The following BMX variants were observed in gnomAD, a reference collection of about 807,000 sequenced individuals.
BMX encodes the protein BMX non-receptor tyrosine kinase, also known as cytoplasmic tyrosine-protein kinase BMX.
BMX carries 31 observed loss-of-function variants against 59.2 expected under a neutral mutation model. That is an observed-to-expected ratio of 0.52 (90% CI 0.39 to 0.71). The LOEUF is 0.71. BMX is among the 30% of genes least tolerant of loss of function. BMX has a pLI of 0.00. For synonymous variants in BMX, 185 were observed against 181.0 expected, an observed-to-expected ratio of 1.02 and a Z score of -0.18; for missense variants, 474 against 491.7, an observed-to-expected ratio of 0.96 and a Z score of 0.34.
chrX:15,502,200 A>G (rs1189608586), intron 1 of BMX, among the ~76,000 whole-genome samples: 1 of 111,719 alleles, frequency 9.0e-6, no homozygotes, highest in Non-Finnish European at 1.9e-5. Flanking sequence ...CAGATTCCAT[A>G]GAGACAGAGC....
At chrX:15,546,724 A>T in intron 16 of BMX, 79 bp from the exon 17 acceptor site, 1 of 797,486 alleles carries the variant, frequency 1.3e-6, no homozygotes, top group South Asian at 2.6e-5. Context: ...ATCGACTGAG[A>T]CTCTGGGTGG....
chrX:15,543,360 T>A (rs1389257179), intron 16 of BMX, among the ~76,000 whole-genome samples: 1 of 111,638 alleles, frequency 9.0e-6, no homozygotes, highest in East Asian at 2.8e-4. Flanking sequence ...CCATGAAAGA[T>A]CCTAAATTTA....
chrX:15,511,575 G>C, intron 4 of BMX, 57 bp downstream of exon 4: 1 of 1,017,337 alleles, frequency 9.8e-7, no homozygotes, highest in African/African-American at 1.9e-5. Flanking sequence ...ATAAAAGAGA[G>C]TCGTTTTTTG....
At position 15,516,038 on chromosome X, in the gene BMX, C is replaced by T. The variant is rs929294637; in HGVS notation, c.326-74C>T. On this transcript the variant is annotated intron_variant, in intron 4 of 18. Transcript: ENST00000348343. ...TGGGGTTTTTATTGTTCTGTGATAA[C>T]AGCACTTACTGAATGTTTCTCCTCT... The T allele has an allele frequency of 6.8e-6, 8 of 1,170,198 alleles. No homozygotes were observed. The African/African-American group carries it at 1.4e-4, about 21-fold the overall frequency.
rs1406475453 is a variant in BMX at position 15,531,434 on chromosome X, T to A, written c.1019+27T>A. Reference sequence around the variant, plus strand: ...TAAGTATGATACGGATTAATTTCTTTTCTCTTTCTGCGTATATTCTTTGAA... The same window carrying A: ...TAAGTATGATACGGATTAATTTCTTATCTCTTTCTGCGTATATTCTTTGAA... On this transcript the variant is annotated intron_variant, in intron 11 of 18. Transcript: ENST00000348343. The A allele has an allele frequency of 5.4e-6, 6 of 1,109,074 alleles. No homozygotes were observed. The African/African-American group carries it at 7.3e-5, about 13-fold the overall frequency. 91.4% of individuals were successfully genotyped at this position (1,109,074 alleles called of 1,213,427 possible). A position where few individuals can be genotyped will look rare whatever the true frequency, so the allele number is the denominator to read the frequency against.
intron 17 of BMX, among the ~76,000 whole-genome samples, chrX:15,549,185 G>A (rs1014277923): frequency 9.0e-6 from 1 of 110,609 alleles, no homozygotes; most frequent in African/African-American, 3.3e-5. Context: ...CAATTTCCTG[G>A]ATGAGTTTTG....
At chrX:15,544,289 T>C (rs752236503) in intron 16 of BMX, among the ~76,000 whole-genome samples, 2 of 110,652 alleles carry the variant, frequency 1.8e-5, no homozygotes, top group South Asian at 7.7e-4. Flanking sequence ...TGGTAATTCC[T>C]CTGGGAGCCC....
chrX:15,537,705 G>A (rs779156516), intron 14 of BMX, among the ~76,000 whole-genome samples: 2 of 110,710 alleles, frequency 1.8e-5, no homozygotes, highest in African/African-American at 3.3e-5. Flanking sequence ...TTTGTCTCCC[G>A]CAAACAATTA....
intron 14 of BMX, among the ~76,000 whole-genome samples, chrX:15,538,702 C>A (rs1414645914): frequency 8.9e-6 from 1 of 111,935 alleles, no homozygotes; most frequent in Non-Finnish European, 1.9e-5. Flanking sequence ...AGTCGAAAAG[C>A]AGAGATACAA....
At chrX:15,521,455 T>C (rs760608876) in intron 6 of BMX, among the ~76,000 whole-genome samples, 1 of 112,376 alleles carries the variant, frequency 8.9e-6, no homozygotes, top group East Asian at 2.8e-4. Flanking sequence ...TTCTAACAAA[T>C]TACTACACAA....
chrX:15,504,805 A>G (rs1246558681), intron 1 of BMX, among the ~76,000 whole-genome samples: 1 of 111,769 alleles, frequency 8.9e-6, no homozygotes, highest in Non-Finnish European at 1.9e-5. Context: ...TCATCTGTTT[A>G]TGGAAATAGG....
At chrX:15,520,834 T>C (rs1287819178) in intron 6 of BMX, among the ~76,000 whole-genome samples, 2 of 111,335 alleles carry the variant, frequency 1.8e-5, no homozygotes, top group African/African-American at 6.5e-5. Context: ...TTAAATGATT[T>C]CCATTTAAGG....
chrX:15,537,543 T>C (rs937870657), intron 14 of BMX, among the ~76,000 whole-genome samples: 1 of 111,876 alleles, frequency 8.9e-6, no homozygotes, highest in Non-Finnish European at 1.9e-5. Context: ...AATTGAGAAT[T>C]CCCAAGACTC....
rs770002778 is a variant in BMX at position 15,538,154 on chromosome X, CCTCT to C, written c.1394+856_1394+859del. 4.7e-3 allele frequency among the ~76,000 whole-genome samples: 514 copies of C among 109,072 alleles called. 3 individuals carry two copies. The highest frequency in any genetic ancestry group is 8.2e-3 in the Non-Finnish European group (428 of 52,185). 94.7% of individuals were successfully genotyped at this position (109,072 alleles called of 115,157 possible). Reference sequence around the variant, plus strand: ...GTCTTCTCTCTCTCTCTCTCTTCCCCCTCTCTCTCTTTCTCTCTCCCTCTCTCTC... The same window carrying C: ...GTCTTCTCTCTCTCTCTCTCTTCCCCCTCTCTTTCTCTCTCCCTCTCTCTC... On this transcript the variant is annotated intron_variant, in intron 14 of 18. Coordinates refer to ENST00000348343, the MANE Select transcript of BMX (RefSeq NM_203281.3).
chrX:15,538,996 G>C (rs1266338344), intron 14 of BMX, among the ~76,000 whole-genome samples: 1 of 111,298 alleles, frequency 9.0e-6, no homozygotes, highest in Non-Finnish European at 1.9e-5. Flanking sequence ...TCATCTTGAA[G>C]TAATACTTCG....
At chrX:15,546,693 A>G (rs905384358) in intron 16 of BMX, 110 bp from the exon 17 acceptor site, 5 of 559,402 alleles carry the variant, frequency 8.9e-6, no homozygotes, top group Admixed American at 6.6e-5. Flanking sequence ...AAGGAAACAA[A>G]AGTTCCAGAA....
At chrX:15,536,503 A>G in intron 13 of BMX, 76 bp downstream of exon 13, 1 of 34,241 alleles carries the variant, frequency 2.9e-5, no homozygotes, top group Middle Eastern at 0.012. Flanking sequence ...ATTTACTGGC[A>G]AAAAAAAAAA....
chrX:15,555,473 T>C (rs1926389610), intron 18 of BMX, among the ~76,000 whole-genome samples: 1 of 110,724 alleles, frequency 9.0e-6, no homozygotes, highest in African/African-American at 3.3e-5. Flanking sequence ...CCTCCCAGAG[T>C]GCTGGGATTA....
intron 16 of BMX, among the ~76,000 whole-genome samples, chrX:15,545,540 T>G (rs1925906996): frequency 8.9e-6 from 1 of 111,893 alleles, no homozygotes; most frequent in Non-Finnish European, 1.9e-5. Context: ...ACCAGTCGAG[T>G]ATTCTTAGAG....
Sources: gnomAD v4.1 joint callset for allele counts (sites outside exome capture counted in the v4.1 genomes callset) on GRCh38, gnomAD v4.1.1 for gene constraint, MANE v1.5 for transcripts, NCBI Gene and HGNC (gene_info 2026-07-23, HGNC 2026-07-21) for gene names.